Variants in PDE1C observed in about 807,000 individuals in gnomAD.
The protein encoded by PDE1C is dual specificity calcium/calmodulin-dependent 3',5'-cyclic nucleotide phosphodiesterase 1C.
A neutral mutation model predicts 93.1 loss-of-function variants in PDE1C; 62 were observed. That is an observed-to-expected ratio of 0.67 (90% CI 0.54 to 0.82). PDE1C has a LOEUF of 0.82. Ranked by LOEUF, PDE1C falls within the 40% of genes least tolerant of loss-of-function variation. PDE1C has a pLI of 0.00. For missense variants in PDE1C, 742 were observed against 884.6 expected (o/e 0.84, Z 2.04); for synonymous variants, 325 against 310.1 (o/e 1.05, Z -0.50).
chr7:32,120,631 C>T (rs1023601651), intron 3 of PDE1C, among the ~76,000 whole-genome samples: 8 of 152,078 alleles, frequency 5.3e-5, no homozygotes, highest in African/African-American at 1.9e-4. Flanking sequence ...AAGACAGCAG[C>T]CCTCCAGAAG....
Position 32,063,876 on chromosome 7 carries a change from C to T in PDE1C, c.101+6417G>A, listed in dbSNP as rs555764316. On this transcript the variant is annotated intron_variant, in intron 1 of 17. Coordinates refer to ENST00000396191, the MANE Select transcript of PDE1C (RefSeq NM_001191057.4). Reference sequence around the variant, plus strand: ...TTTTAACCTTTTCACATGTATAAGACGTATCTTGTTTCCCTCAATATATTC... The same window carrying T: ...TTTTAACCTTTTCACATGTATAAGATGTATCTTGTTTCCCTCAATATATTC... 2.9e-4 allele frequency among the ~76,000 whole-genome samples: 44 copies of T among 152,256 alleles called. No individual in the cohort carries two copies. In the South Asian group the frequency reaches 8.1e-3, roughly 28 times the overall value.
At chr7:32,404,903 A>C (rs1235464994) in intron 1 of PDE1C, among the ~76,000 whole-genome samples, 2 of 152,192 alleles carry the variant, frequency 1.3e-5, no homozygotes, top group Non-Finnish European at 2.9e-5. Context: ...CCTACTACAT[A>C]CATTTCTAGG....
intron 1 of PDE1C, among the ~76,000 whole-genome samples, chr7:32,307,155 G>A (rs75847742): frequency 0.043 from 6,544 of 152,208 alleles, 197 homozygotes; most frequent in African/African-American, 0.081. Context: ...CAAATTCTCA[G>A]TGACCTAACA....
chr7:32,023,529 C>T (rs1314729507), intron 2 of PDE1C, among the ~76,000 whole-genome samples: 24 of 151,982 alleles, frequency 1.6e-4, no homozygotes. Flanking sequence ...ACTCCCCAAA[C>T]ATCCTTCAGG....
chr7:32,365,894 T>C (rs1433408056), intron 1 of PDE1C, among the ~76,000 whole-genome samples: 1 of 151,754 alleles, frequency 6.6e-6, no homozygotes, highest in Non-Finnish European at 1.5e-5. Context: ...CACACCACAC[T>C]GAGCTAACAT....
intron 17 of PDE1C, among the ~76,000 whole-genome samples, chr7:31,775,208 C>A (rs1328246159): frequency 6.6e-6 from 1 of 152,118 alleles, no homozygotes; most frequent in East Asian, 1.9e-4. Flanking sequence ...AATTTACAAG[C>A]ATTATTTCTA....
the PDE1C span, among the ~76,000 whole-genome samples, chr7:31,657,470 C>G: frequency 6.6e-6 from 1 of 152,198 alleles, no homozygotes; most frequent in Non-Finnish European, 1.5e-5. Flanking sequence ...GCATCTGACG[C>G]TTGTAGTCAG....
intron 2 of PDE1C, among the ~76,000 whole-genome samples, chr7:32,004,661 C>G (rs751370613): frequency 6.6e-6 from 1 of 152,180 alleles, no homozygotes; most frequent in Non-Finnish European, 1.5e-5. Context: ...GAGTAAGACA[C>G]CTGGTCTCTA....
intron 16 of PDE1C, among the ~76,000 whole-genome samples, chr7:31,780,700 G>T (rs954442171): frequency 2.0e-5 from 3 of 152,150 alleles, no homozygotes; most frequent in Non-Finnish European, 4.4e-5. Context: ...GTACACACAT[G>T]ACAGTGCTTA....
intron 1 of PDE1C, among the ~76,000 whole-genome samples, chr7:32,379,659 TTTAA>T (rs1784497128): frequency 6.6e-6 from 1 of 152,216 alleles, no homozygotes; most frequent in African/African-American, 2.4e-5. Context: ...GGCTGAGTGC[TTTAA>T]TTGAGTTGCT....
At chr7:32,319,894 T>G (rs1783253111) in intron 1 of PDE1C, among the ~76,000 whole-genome samples, 1 of 152,228 alleles carries the variant, frequency 6.6e-6, no homozygotes, top group South Asian at 2.1e-4. Flanking sequence ...TTGTATAGTT[T>G]TTATGCCCCT....
intron 2 of PDE1C, among the ~76,000 whole-genome samples, chr7:32,034,112 T>C (rs915108261): frequency 2.7e-5 from 4 of 150,798 alleles, no homozygotes; most frequent in African/African-American, 9.9e-5. Context: ...AAGTGTATTT[T>C]TTTACTGTGT....
intron 2 of PDE1C, among the ~76,000 whole-genome samples, chr7:32,175,637 A>G (rs529131256): frequency 1.3e-5 from 2 of 152,352 alleles, no homozygotes; most frequent in African/African-American, 2.4e-5. Context: ...TAATTGATTT[A>G]GACTAGAGCC....
In PDE1C at chr7:31,824,161, T is replaced by G. The variant is rs542993638; in HGVS notation, c.1406+706A>C. 1.7e-3 allele frequency among the ~76,000 whole-genome samples: 255 copies of G among 152,306 alleles called. 1 individual carries two copies. Among genetic ancestry groups the G allele is most frequent in the South Asian group, 3.1e-3 (15 of 4,824 alleles). On this transcript the variant is annotated intron_variant, in intron 13 of 17. Coordinates refer to ENST00000396191, the MANE Select transcript of PDE1C (RefSeq NM_001191057.4). The stretch of plus-strand genomic sequence containing the variant: ...CTTCCTCCTTTATGACAAAGCCCAC[T>G]GTTCTACATGAACAAGGAGATTAGT...
intron 17 of PDE1C, among the ~76,000 whole-genome samples, chr7:31,770,083 T>TTTA (rs1795386638): frequency 6.6e-6 from 1 of 152,204 alleles, no homozygotes; most frequent in African/African-American, 2.4e-5. Flanking sequence ...TTTCATTTGT[T>TTTA]TTATTATTAT....
intron 6 of PDE1C, among the ~76,000 whole-genome samples, chr7:31,867,553 G>T (rs1205186429): frequency 6.6e-6 from 1 of 152,106 alleles, no homozygotes; most frequent in African/African-American, 2.4e-5. Flanking sequence ...CCTGGAGACT[G>T]GCCCACCTAG....
chr7:31,788,393 A>G (rs996287369), intron 16 of PDE1C: 9 of 152,210 alleles, frequency 5.9e-5, no homozygotes, highest in African/African-American at 1.9e-4. Context: ...TCATTTGATT[A>G]GCACAGTGTT....
At chr7:32,239,217 T>G (rs1412187203) in intron 1 of PDE1C, among the ~76,000 whole-genome samples, 1 of 152,072 alleles carries the variant, frequency 6.6e-6, no homozygotes. Flanking sequence ...GGTGACAGAG[T>G]GAGACCCTGT....
At chr7:32,087,815 C>G (rs1291940025) in intron 3 of PDE1C, among the ~76,000 whole-genome samples, 3 of 147,992 alleles carry the variant, frequency 2.0e-5, no homozygotes, top group Non-Finnish European at 3.0e-5. Flanking sequence ...AACACATGGA[C>G]ACAGGAAGGG....
Sources: gnomAD v4.1 joint callset for allele counts (sites outside exome capture counted in the v4.1 genomes callset) on GRCh38, gnomAD v4.1.1 for gene constraint, MANE v1.5 for transcripts, NCBI Gene and HGNC (gene_info 2026-07-23, HGNC 2026-07-21) for gene names.